TASP1: variants seen among roughly 807,000 people sequenced by gnomAD.
TASP1 encodes taspase 1, also known as threonine aspartase 1.
In TASP1, 16 loss-of-function variants were observed where a neutral mutation model predicts 56.6. The observed-to-expected ratio is 0.28, with a 90% confidence interval of 0.19 to 0.43. The LOEUF (loss-of-function observed/expected upper bound fraction) is 0.43, where lower values mean the gene tolerates loss of function less well. TASP1 is among the 20% of genes least tolerant of loss of function. The pLI is 1.00. For missense variants in TASP1, 393 were observed against 511.6 expected, an observed-to-expected ratio of 0.77 and a Z score of 2.24; for synonymous variants, 179 against 184.2, an observed-to-expected ratio of 0.97 and a Z score of 0.23.
chr20:13,219,165 A>T, the TASP1 span, among the ~76,000 whole-genome samples: 1 of 152,216 alleles, frequency 6.6e-6, no homozygotes, highest in African/African-American at 2.4e-5. Flanking sequence ...AATTCAGACC[A>T]GCCTGCCTCT....
intron 12 of TASP1, among the ~76,000 whole-genome samples, chr20:13,422,131 T>C (rs2146097986): frequency 6.6e-6 from 1 of 152,112 alleles, no homozygotes; most frequent in Non-Finnish European, 1.5e-5. Flanking sequence ...TTTTGTGTTT[T>C]TAGTAGAGAC....
chr20:13,417,218 G>T (rs993635588), intron 13 of TASP1, among the ~76,000 whole-genome samples: 1 of 152,184 alleles, frequency 6.6e-6, no homozygotes, highest in Non-Finnish European at 1.5e-5. Flanking sequence ...GGGGGAAAGT[G>T]GGCAGGCTCC....
At chr20:13,336,189 G>T in the TASP1 span, among the ~76,000 whole-genome samples, 4 of 152,308 alleles carry the variant, frequency 2.6e-5, no homozygotes, top group South Asian at 8.3e-4. Flanking sequence ...TGCTTCCTGG[G>T]TGTGCTACCA....
the TASP1 span, among the ~76,000 whole-genome samples, chr20:13,113,930 A>G: frequency 2.6e-5 from 4 of 152,228 alleles, no homozygotes; most frequent in Non-Finnish European, 4.4e-5. Flanking sequence ...TCCCATGTGC[A>G]GCCTTGAGTA....
At chr20:13,278,531 T>C in the TASP1 span, among the ~76,000 whole-genome samples, 2 of 152,230 alleles carry the variant, frequency 1.3e-5, no homozygotes, top group Non-Finnish European at 2.9e-5. Context: ...AGAGACAGTG[T>C]GGCAAAGTTA....
At chr20:13,278,736 G>A in the TASP1 span, among the ~76,000 whole-genome samples, 1 of 152,216 alleles carries the variant, frequency 6.6e-6, no homozygotes, top group Non-Finnish European at 1.5e-5. Flanking sequence ...CTGGGACTCA[G>A]CTGGGAGAGC....
the TASP1 span, among the ~76,000 whole-genome samples, chr20:13,228,608 A>G: frequency 6.6e-6 from 1 of 151,998 alleles, no homozygotes; most frequent in Non-Finnish European, 1.5e-5. Flanking sequence ...AAATTTTACC[A>G]GGTTGTGTTT....
At chr20:13,544,416 T>C (rs561245140) in intron 8 of TASP1, among the ~76,000 whole-genome samples, 1 of 152,324 alleles carries the variant, frequency 6.6e-6, no homozygotes, top group East Asian at 1.9e-4. Context: ...CATCCTTCAC[T>C]GTAATCAGTC....
At chr20:13,201,262 G>A in the TASP1 span, among the ~76,000 whole-genome samples, 1 of 152,190 alleles carries the variant, frequency 6.6e-6, no homozygotes, top group African/African-American at 2.4e-5. Context: ...GGTCAGGAGT[G>A]TTGAAGGAGC....
intron 10 of TASP1, among the ~76,000 whole-genome samples, chr20:13,498,110 A>G (rs563173764): frequency 6.6e-6 from 1 of 152,178 alleles, no homozygotes; most frequent in Non-Finnish European, 1.5e-5. Context: ...ACAAAAATTG[A>G]CAAGAGGGAT....
chr20:13,250,261 A>G, the TASP1 span, among the ~76,000 whole-genome samples: 6 of 152,110 alleles, frequency 3.9e-5, no homozygotes, highest in African/African-American at 1.4e-4. Flanking sequence ...ACTGTGTCCA[A>G]TTTTAGGTTT....
chr20:13,439,425 A>G (rs576833652), intron 11 of TASP1, among the ~76,000 whole-genome samples: 1 of 152,230 alleles, frequency 6.6e-6, no homozygotes, highest in Non-Finnish European at 1.5e-5. Context: ...CAAACACCAC[A>G]TGTTCTCACT....
chr20:13,356,472 A>T, the TASP1 span, among the ~76,000 whole-genome samples: 50 of 152,320 alleles, frequency 3.3e-4, no homozygotes, highest in African/African-American at 1.1e-3. Context: ...GCTCAACATG[A>T]CTTTACTGTT....
At chr20:13,496,381 G>A (rs1033058110) in intron 10 of TASP1, among the ~76,000 whole-genome samples, 4 of 151,852 alleles carry the variant, frequency 2.6e-5, no homozygotes, top group African/African-American at 9.7e-5. Flanking sequence ...TACTGCTGCT[G>A]GACCCATGAA....
intron 12 of TASP1, among the ~76,000 whole-genome samples, chr20:13,424,177 AAT>A (rs1234376121): frequency 2.6e-5 from 4 of 152,232 alleles, no homozygotes; most frequent in Non-Finnish European, 4.4e-5. Context: ...TTTTAAAATA[AAT>A]AGAGACATTT....
chr20:13,502,370 TAAAC>T (rs1280698893), intron 10 of TASP1, among the ~76,000 whole-genome samples: 1 of 152,054 alleles, frequency 6.6e-6, no homozygotes, highest in Non-Finnish European at 1.5e-5. Context: ...AATGGAATAT[TAAAC>T]AACAACTAAA....
Position 13,394,307 on chromosome 20 carries a change from C to CAAAAAAAAAAAA in TASP1, c.1171-3867_1171-3856dup, listed in dbSNP as rs57418361. Reference sequence around the variant, plus strand: ...GCCACTGCACTACAGCACTCCCTCTCAAAAAAAAAAAAAAAAAAAAAGGCC... The same window carrying CAAAAAAAAAAAA: ...GCCACTGCACTACAGCACTCCCTCTCAAAAAAAAAAAAAAAAAAAAAAAAAAAAAAAAAGGCC... On this transcript the variant is annotated intron_variant, in intron 13 of 13. Coordinates refer to ENST00000337743, the MANE Select transcript of TASP1 (RefSeq NM_017714.3). Among the ~76,000 whole-genome samples the CAAAAAAAAAAAA allele has an allele frequency of 1.6e-3, 68 of 42,948 alleles. 1 individual carries two copies. The highest frequency in any genetic ancestry group is 4.3e-3 in the African/African-American group (47 of 10,878). The allele number at this position is 42,948 out of a possible 152,430, so 28.2% of individuals were successfully genotyped here.
the TASP1 span, among the ~76,000 whole-genome samples, chr20:13,175,642 C>T: frequency 2.0e-5 from 3 of 152,116 alleles, no homozygotes; most frequent in Non-Finnish European, 2.9e-5. Flanking sequence ...CCTGACCTCA[C>T]GAGTTTGGCA....
intron 8 of TASP1, among the ~76,000 whole-genome samples, chr20:13,555,616 C>G (rs2046130764): frequency 6.6e-6 from 1 of 152,144 alleles, no homozygotes; most frequent in African/African-American, 2.4e-5. Flanking sequence ...ACAGCGACTT[C>G]CTCCACTGAA....
Sources: gnomAD v4.1 joint callset for allele counts (sites outside exome capture counted in the v4.1 genomes callset) on GRCh38, gnomAD v4.1.1 for gene constraint, MANE v1.5 for transcripts, NCBI Gene and HGNC (gene_info 2026-07-23, HGNC 2026-07-21) for gene names.